The following ANO2 variants were observed in gnomAD, a reference collection of about 807,000 sequenced individuals.
The protein encoded by ANO2 is anoctamin 2, also known as anoctamin-2.
In ANO2, 101 loss-of-function variants were observed where a neutral mutation model predicts 124.2. The observed-to-expected ratio is 0.81, with a 90% CI of 0.69 to 0.96. ANO2 has a LOEUF of 0.96. Ranked by LOEUF, ANO2 falls within the 40% of genes least tolerant of loss-of-function variation. ANO2 has a pLI of 0.00. For missense variants in ANO2, 1,293 were observed against 1,274.5 expected (o/e 1.01, Z -0.22); for synonymous variants, 486 against 482.5 (o/e 1.01, Z -0.09).
chr12:5,767,806 T>C (rs1210019887), intron 10 of ANO2, among the ~76,000 whole-genome samples: 2 of 152,170 alleles, frequency 1.3e-5, no homozygotes, highest in Admixed American at 1.3e-4. Flanking sequence ...GATGGAAAAG[T>C]GGAGGGCCTC....
chr12:5,607,302 T>C (rs890356001), intron 19 of ANO2, among the ~76,000 whole-genome samples: 1 of 152,230 alleles, frequency 6.6e-6, no homozygotes, highest in Non-Finnish European at 1.5e-5. Flanking sequence ...AGTAAAATGT[T>C]GGCCACCTGG....
intron 19 of ANO2, among the ~76,000 whole-genome samples, chr12:5,610,983 T>TTTTTTTTTTTGCTTTTTTTTTTG (rs1555100751): frequency 8.2e-6 from 1 of 121,658 alleles, no homozygotes; most frequent in African/African-American, 3.1e-5. Flanking sequence ...TTTTTTTTTT[T>TTTTTTTTTTTGCTTTTTTTTTTG]TTTTTTGAGA....
chr12:5,721,659 C>T (rs999678769), intron 14 of ANO2, among the ~76,000 whole-genome samples: 1 of 152,162 alleles, frequency 6.6e-6, no homozygotes, highest in African/African-American at 2.4e-5. Flanking sequence ...GCCCATGCCA[C>T]CATGCATAGC....
intron 1 of ANO2, among the ~76,000 whole-genome samples, chr12:5,923,412 C>T (rs576805706): frequency 6.6e-6 from 1 of 152,310 alleles, no homozygotes; most frequent in South Asian, 2.1e-4. Context: ...CCTGGAGAGA[C>T]ACCTTGAATT....
intron 13 of ANO2, chr12:5,733,253 C>T: frequency 2.9e-6 from 1 of 346,862 alleles, no homozygotes; most frequent in Non-Finnish European, 5.6e-6. Context: ...CAGCAATGCT[C>T]AAGAGACCTC....
At chr12:5,632,235 A>G in intron 16 of ANO2, among the ~76,000 whole-genome samples, 1 of 152,086 alleles carries the variant, frequency 6.6e-6, no homozygotes, top group Non-Finnish European at 1.5e-5. Flanking sequence ...AATGCCCCAG[A>G]ACAATGCTCA....
At chr12:5,938,912 T>C (rs115908385) in intron 1 of ANO2, among the ~76,000 whole-genome samples, 3,897 of 152,046 alleles carry the variant, frequency 0.026, 173 homozygotes, top group African/African-American at 0.089. Context: ...CCAAGGCCAA[T>C]ATTTTTTTTT....
rs552080846 is a variant in ANO2, at chr12:5,832,092, T to C, written c.785+360A>G. On this transcript the variant is annotated intron_variant, in intron 5 of 24. Transcript: ENST00000682330. Reference sequence around the variant, plus strand: ...TTATCATATCCTGTTGAAACCCTATTAGACTGGCAATTGGGCAGAAGGTTT... The same window carrying C: ...TTATCATATCCTGTTGAAACCCTATCAGACTGGCAATTGGGCAGAAGGTTT... Among the ~76,000 whole-genome samples the C allele has an allele frequency of 2.0e-5, 3 of 152,300 alleles. No homozygotes were observed. In the South Asian group the frequency reaches 6.2e-4, roughly 32 times the overall value.
chr12:5,879,429 T>A (rs1938336831), intron 3 of ANO2, among the ~76,000 whole-genome samples: 2 of 152,320 alleles, frequency 1.3e-5, no homozygotes, highest in South Asian at 4.1e-4. Context: ...GGTATAGTCA[T>A]AAGCACGTGC....
intron 14 of ANO2, among the ~76,000 whole-genome samples, chr12:5,726,456 T>A (rs1285623611): frequency 6.6e-6 from 1 of 152,158 alleles, no homozygotes; most frequent in Non-Finnish European, 1.5e-5. Context: ...TGTTTGAGGA[T>A]CTATTGAAGG....
intron 16 of ANO2, among the ~76,000 whole-genome samples, chr12:5,625,036 G>A (rs991098124): frequency 1.3e-5 from 2 of 152,204 alleles, no homozygotes; most frequent in African/African-American, 4.8e-5. Context: ...GAGCCTGGTG[G>A]AAGTACTGGG....
chr12:5,898,818 T>A (rs1939972611), intron 3 of ANO2, among the ~76,000 whole-genome samples: 1 of 152,218 alleles, frequency 6.6e-6, no homozygotes, highest in South Asian at 2.1e-4. Flanking sequence ...TGGCAGTTCC[T>A]CTAGTTTGTC....
At chr12:5,726,283 C>T (rs1476441502) in intron 14 of ANO2, among the ~76,000 whole-genome samples, 4 of 152,184 alleles carry the variant, frequency 2.6e-5, no homozygotes, top group Non-Finnish European at 5.9e-5. Flanking sequence ...CTAATTCTCC[C>T]CACTGTTGTC....
intron 14 of ANO2, among the ~76,000 whole-genome samples, chr12:5,665,466 T>C (rs1165248464): frequency 2.0e-5 from 3 of 152,204 alleles, no homozygotes; most frequent in Non-Finnish European, 4.4e-5. Flanking sequence ...TTTCTCTAGA[T>C]TCTTTTCCTC....
chr12:5,923,169 CACACGCACACACACAT>C lies in ANO2; in HGVS notation c.23-381_23-366del, dbSNP rs1239596253. 5.5e-4 allele frequency among the ~76,000 whole-genome samples: 35 copies of C among 64,144 alleles called. 6 individuals are homozygous for C. The highest frequency in any genetic ancestry group is 2.4e-3 in the East Asian group (4 of 1,644). The allele number at this position is 64,144 out of a possible 152,430, so 42.1% of individuals were successfully genotyped here. On this transcript the variant is annotated intron_variant, in intron 1 of 24. Coordinates refer to ENST00000682330, the MANE Select transcript of ANO2 (RefSeq NM_001364791.2). ...GCACACATACACACACGCATACACA[CACACGCACACACACAT>C]ACACACACACGCACGCACACACACC...
Position 5,921,316 on chromosome 12 carries a change from A to G in ANO2, c.258T>C (p.Arg86=). The G allele has an allele frequency of 6.2e-7, 1 of 1,613,904 alleles. No homozygotes were observed. The highest frequency in any genetic ancestry group is 8.5e-7 in the Non-Finnish European group (1 of 1,179,876). The change falls in exon 3 of 25, where the codon CGT becomes CGC. Residue 86 remains arginine (R), a synonymous_variant. Transcript: ENST00000682330. ...DANEPVSLEA[R]LSRMHFHDSQ... ...TGTCATGGAAGTGCATGCGGCTAAGACGGGCCTCCAAGGACACAGGCTCAT... is the reference window on the plus strand; with the variant it reads ...TGTCATGGAAGTGCATGCGGCTAAGGCGGGCCTCCAAGGACACAGGCTCAT...
intron 20 of ANO2, among the ~76,000 whole-genome samples, chr12:5,594,370 C>T (rs1216015892): frequency 1.3e-5 from 2 of 152,086 alleles, no homozygotes; most frequent in Non-Finnish European, 2.9e-5. Flanking sequence ...CACTTGCTGC[C>T]CAATTTCCCA....
intron 10 of ANO2, among the ~76,000 whole-genome samples, chr12:5,765,421 T>C (rs1027520155): frequency 1.3e-5 from 2 of 152,020 alleles, no homozygotes; most frequent in African/African-American, 4.8e-5. Flanking sequence ...TTTTAAACAT[T>C]AGCAACTAAT....
chr12:5,606,352 A>G (rs1944221055), intron 19 of ANO2, among the ~76,000 whole-genome samples: 1 of 152,170 alleles, frequency 6.6e-6, no homozygotes, highest in African/African-American at 2.4e-5. Context: ...TCAAGAAAAA[A>G]CATCTTTGGC....
Sources: gnomAD v4.1 joint callset for allele counts (sites outside exome capture counted in the v4.1 genomes callset) on GRCh38, gnomAD v4.1.1 for gene constraint, MANE v1.5 for transcripts, NCBI Gene and HGNC (gene_info 2026-07-23, HGNC 2026-07-21) for gene names.